Variants in PCNX2 observed in about 807,000 individuals in gnomAD.
PCNX2 encodes the protein pecanex-like protein 2.
A neutral mutation model predicts 223.8 loss-of-function variants in PCNX2; 168 were observed. The observed-to-expected ratio is 0.75, with a 90% CI of 0.66 to 0.85. PCNX2 has a LOEUF of 0.85. PCNX2 is among the 40% of genes least tolerant of loss of function. The pLI is 0.00. For synonymous variants in PCNX2, 1,006 were observed against 1,052.6 expected, an observed-to-expected ratio of 0.96 and a Z score of 0.86; for missense variants, 2,507 against 2,675.5, an observed-to-expected ratio of 0.94 and a Z score of 1.39.
At chr1:233,106,048 G>A (rs1674751689) in intron 21 of PCNX2, among the ~76,000 whole-genome samples, 1 of 152,140 alleles carries the variant, frequency 6.6e-6, no homozygotes, top group Non-Finnish European at 1.5e-5. Flanking sequence ...AGCAAGGGTG[G>A]ACTTCAATAA....
intron 1 of PCNX2, among the ~76,000 whole-genome samples, chr1:233,279,446 G>GTA (rs1406954183): frequency 5.0e-4 from 76 of 150,836 alleles, no homozygotes; most frequent in African/African-American, 6.8e-4. Flanking sequence ...ATATGTGTGT[G>GTA]TATATATATA....
At chr1:233,163,837 G>C (rs149051155) in intron 17 of PCNX2, among the ~76,000 whole-genome samples, 102 of 152,100 alleles carry the variant, frequency 6.7e-4, no homozygotes, top group African/African-American at 2.4e-3. Context: ...TACTTATTCT[G>C]AGATTCATCC....
At chr1:233,066,291 C>T (rs147300655) in intron 23 of PCNX2, among the ~76,000 whole-genome samples, 5 of 152,332 alleles carry the variant, frequency 3.3e-5, no homozygotes, top group African/African-American at 1.2e-4. Flanking sequence ...TGGGCAGTGA[C>T]ATGCTCCTGT....
chr1:233,169,389 G>A (rs1678999609), intron 17 of PCNX2, among the ~76,000 whole-genome samples: 1 of 152,022 alleles, frequency 6.6e-6, no homozygotes, highest in South Asian at 2.1e-4. Flanking sequence ...GCTCACGCCT[G>A]TAATCCCAGC....
intron 17 of PCNX2, among the ~76,000 whole-genome samples, chr1:233,171,188 C>T (rs73109233): frequency 0.025 from 3,794 of 152,036 alleles, 145 homozygotes; most frequent in African/African-American, 0.085. Context: ...ACTATATAGT[C>T]TTATCATGGT....
intron 28 of PCNX2, among the ~76,000 whole-genome samples, chr1:233,013,730 T>A (rs1286382006): frequency 2.0e-5 from 3 of 152,136 alleles, no homozygotes; most frequent in Admixed American, 6.5e-5. Flanking sequence ...TTCTCTAAGC[T>A]CCCTAGGTTT....
At position 233,258,206 on chromosome 1, in the gene PCNX2, T is replaced by G; in HGVS notation, c.1656A>C (p.Thr552=). Residue 552 remains threonine (T), a synonymous_variant, in exon 5 of 34, where the codon ACA becomes ACC. Coordinates refer to ENST00000258229, the MANE Select transcript of PCNX2 (RefSeq NM_014801.4). The part of the protein sequence containing the change: ...SKSSAEIVND[T]EKTMPTSKSD... Reference sequence around the variant, plus strand: ...ATTTGGAAGTTGGCATTGTTTTCTCTGTATCGTTAACAATTTCTGCAGAAC... The same window carrying G: ...ATTTGGAAGTTGGCATTGTTTTCTCGGTATCGTTAACAATTTCTGCAGAAC... 6.2e-7 allele frequency: 1 copy of G among 1,614,004 alleles called. No individual in the cohort carries two copies. The highest frequency in any genetic ancestry group is 8.5e-7 in the Non-Finnish European group (1 of 1,179,892).
intron 25 of PCNX2, chr1:233,033,087 G>C (rs952075316): frequency 1.4e-5 from 14 of 985,376 alleles, no homozygotes; most frequent in Non-Finnish European, 1.7e-5. Context: ...GTGACCTTTC[G>C]AAGCCCCGGC....
chr1:233,290,310 G>T (rs995623502), intron 1 of PCNX2, among the ~76,000 whole-genome samples: 4 of 152,202 alleles, frequency 2.6e-5, no homozygotes, highest in Non-Finnish European at 5.9e-5. Flanking sequence ...GGAAGAAACA[G>T]ACCGATGTGT....
In PCNX2 at chr1:233,179,116, G is replaced by T; in HGVS notation, c.3126C>A (p.Val1042=). The part of the protein sequence containing the change: ...ALFSAFCGLL[V]ALSYHLSRQS... ...GACGGCTCAGATGGTAAGAAAGGGC[G>T]ACCAAGAGGCCACAGAAGGCCGAAA... is the stretch of plus-strand genomic sequence containing the variant. The change falls in exon 16 of 34, where the codon GTC becomes GTA. Residue 1042 remains valine (V), a synonymous_variant. Coordinates refer to ENST00000258229, the MANE Select transcript of PCNX2 (RefSeq NM_014801.4). The T allele has an allele frequency of 6.2e-7, 1 of 1,613,850 alleles. No individual in the cohort carries two copies. The highest frequency in any genetic ancestry group is 1.1e-5 in the South Asian group (1 of 91,050).
intron 9 of PCNX2, among the ~76,000 whole-genome samples, chr1:233,236,605 T>G (rs922662051): frequency 6.6e-6 from 1 of 152,198 alleles, no homozygotes; most frequent in African/African-American, 2.4e-5. Flanking sequence ...TTCTAATGCA[T>G]TTGAAAAGCA....
chr1:233,128,713 T>A (rs919031677), intron 21 of PCNX2, among the ~76,000 whole-genome samples: 2 of 152,176 alleles, frequency 1.3e-5, no homozygotes, highest in Non-Finnish European at 2.9e-5. Context: ...CCTGTAACAG[T>A]CAATATTCCT....
intron 1 of PCNX2, among the ~76,000 whole-genome samples, chr1:233,278,497 G>A (rs1206196946): frequency 6.6e-6 from 1 of 152,236 alleles, no homozygotes; most frequent in African/African-American, 2.4e-5. Flanking sequence ...ATGATGGAAA[G>A]GGGGTCACAA....
intron 21 of PCNX2, among the ~76,000 whole-genome samples, chr1:233,112,174 G>T (rs541368585): frequency 7.9e-5 from 12 of 152,316 alleles, no homozygotes; most frequent in African/African-American, 2.9e-4. Context: ...GAAAATCTGT[G>T]ACCTTGAAGA....
At chr1:233,324,682 C>A in the PCNX2 span, among the ~76,000 whole-genome samples, 3 of 147,960 alleles carry the variant, frequency 2.0e-5, no homozygotes, top group South Asian at 6.4e-4. Flanking sequence ...CTCACTGCAA[C>A]CTCCACCTCC....
chr1:233,255,898 T>C (rs1173283860), intron 5 of PCNX2, among the ~76,000 whole-genome samples: 1 of 152,206 alleles, frequency 6.6e-6, no homozygotes, highest in African/African-American at 2.4e-5. Flanking sequence ...GTAAGGATAT[T>C]ACCAGTCTCA....
chr1:233,063,677 A>C (rs760084812), intron 23 of PCNX2, among the ~76,000 whole-genome samples: 8 of 152,172 alleles, frequency 5.3e-5, no homozygotes, highest in Non-Finnish European at 1.0e-4. Context: ...CATGTCTTTC[A>C]TCAATTTTGA....
At chr1:233,105,692 T>C (rs972962807) in intron 21 of PCNX2, among the ~76,000 whole-genome samples, 34 of 152,200 alleles carry the variant, frequency 2.2e-4, no homozygotes, top group African/African-American at 8.0e-4. Flanking sequence ...CAAGTAAATG[T>C]GGCGTTAATA....
intron 17 of PCNX2, among the ~76,000 whole-genome samples, chr1:233,167,145 T>C (rs570005318): frequency 2.0e-4 from 30 of 152,294 alleles, no homozygotes; most frequent in African/African-American, 7.0e-4. Context: ...AACCTGAGTG[T>C]CTGTCAACAG....
Sources: gnomAD v4.1 joint callset for allele counts (sites outside exome capture counted in the v4.1 genomes callset) on GRCh38, gnomAD v4.1.1 for gene constraint, MANE v1.5 for transcripts, NCBI Gene and HGNC (gene_info 2026-07-23, HGNC 2026-07-21) for gene names.